TMEM116: variants seen among roughly 807,000 people sequenced by gnomAD.
TMEM116 encodes the protein transmembrane protein 116.
In TMEM116, 38 loss-of-function variants were observed where a neutral mutation model predicts 44.3. That is an observed-to-expected ratio of 0.86 (90% confidence interval 0.66 to 1.12). TMEM116 has a LOEUF of 1.12. Ranked by LOEUF, TMEM116 falls within the 50% of genes most tolerant of loss-of-function variation. The probability of loss-of-function intolerance (pLI) is 0.00; values close to 1 mark genes in which losing one functional copy is unlikely to be tolerated. For missense variants in TMEM116, 354 were observed against 401.7 expected (o/e 0.88, Z 1.01); for synonymous variants, 132 against 144.8 (o/e 0.91, Z 0.64).
intron 3 of TMEM116, chr12:111,993,976 G>A (rs1226190669): frequency 6.7e-6 from 4 of 595,258 alleles, no homozygotes; most frequent in Middle Eastern, 2.8e-4. Context: ...GTTTATCTAT[G>A]ATTCTGTGAA....
chr12:111,941,136 G>C (rs2072779990), intron 5 of TMEM116, among the ~76,000 whole-genome samples: 1 of 152,138 alleles, frequency 6.6e-6, no homozygotes, highest in Admixed American at 6.5e-5. Flanking sequence ...CCAGCACTTT[G>C]GGGGGCTGAG....
chr12:111,950,116 A>AAAAACAAAAC (rs372065144), intron 4 of TMEM116, among the ~76,000 whole-genome samples: 3 of 151,478 alleles, frequency 2.0e-5, no homozygotes, highest in East Asian at 1.9e-4. Context: ...ACTCCCTCTC[A>AAAAACAAAAC]AAAACAAAAC....
chr12:111,936,217 A>G (rs117729661), intron 8 of TMEM116: 482 of 152,662 alleles, frequency 3.2e-3, no homozygotes, highest in Non-Finnish European at 5.4e-3. Flanking sequence ...GATGATATCA[A>G]ATGAGTATCT....
chr12:111,945,352 A>G (rs1219565279), intron 4 of TMEM116, among the ~76,000 whole-genome samples: 2 of 150,044 alleles, frequency 1.3e-5, no homozygotes, highest in South Asian at 2.1e-4. Flanking sequence ...TCAAAAAAAA[A>G]AAAAAAAAAA....
chr12:111,977,360 C>A (rs529571173), intron 4 of TMEM116, among the ~76,000 whole-genome samples: 1 of 152,230 alleles, frequency 6.6e-6, no homozygotes, highest in South Asian at 2.1e-4. Context: ...AATTCTGTTT[C>A]CAGTATCCAG....
rs534027750 is a variant in TMEM116, at chr12:111,952,322, T to C, written c.211-8953A>G. Among the ~76,000 whole-genome samples the C allele has an allele frequency of 2.4e-4, 36 of 152,264 alleles. No individual in the cohort carries two copies. The South Asian group carries it at 5.8e-3, about 25-fold the overall frequency. Reference sequence around the variant, plus strand: ...AACCCAGTCATAAAATGCTAAGTAATAAGATTGCTATCTACTAGCTGAACA... The same window carrying C: ...AACCCAGTCATAAAATGCTAAGTAACAAGATTGCTATCTACTAGCTGAACA... On this transcript the variant is annotated intron_variant, in intron 4 of 10. Coordinates refer to ENST00000552374, the MANE Select transcript of TMEM116 (RefSeq NM_001193531.2).
At chr12:111,996,816 T>C (rs1395393190) in intron 3 of TMEM116, among the ~76,000 whole-genome samples, 1 of 152,214 alleles carries the variant, frequency 6.6e-6, no homozygotes, top group Non-Finnish European at 1.5e-5. Flanking sequence ...TTTTAGTATA[T>C]TCATACTACA....
At chr12:111,978,847 G>T in intron 4 of TMEM116, 1 of 399,812 alleles carries the variant, frequency 2.5e-6, no homozygotes, top group South Asian at 1.8e-5. Context: ...TGTTATAGCT[G>T]CCTGAACTAA....
intron 4 of TMEM116, among the ~76,000 whole-genome samples, chr12:111,969,678 C>T (rs898136740): frequency 4.6e-5 from 7 of 151,832 alleles, no homozygotes; most frequent in East Asian, 2.0e-4. Flanking sequence ...CCCGGGTTCA[C>T]GCCATTCTCC....
At chr12:111,993,594 G>A (rs1283985370) in intron 3 of TMEM116, 17 of 541,802 alleles carry the variant, frequency 3.1e-5, no homozygotes, top group South Asian at 2.4e-4. Flanking sequence ...CAGCTCCCAA[G>A]ATGTATAAGG....
rs764136622 is a variant in TMEM116 at position 111,932,676 on chromosome 12, T to G, written c.734-17A>C. The G allele has an allele frequency of 8.7e-6, 14 of 1,609,894 alleles. No homozygotes were observed. The highest frequency in any genetic ancestry group is 1.2e-5 in the Non-Finnish European group (14 of 1,176,266). ...GAATGACAGCTGTGAATACACAAAG[T>G]GTAAACCTTCTTGTCAGCCCTGACT... On this transcript the variant is annotated splice_polypyrimidine_tract_variant and intron_variant, in intron 9 of 10. Coordinates refer to ENST00000552374, the MANE Select transcript of TMEM116 (RefSeq NM_001193531.2).
At chr12:111,947,127 TA>T (rs2073349211) in intron 4 of TMEM116, among the ~76,000 whole-genome samples, 1 of 151,856 alleles carries the variant, frequency 6.6e-6, no homozygotes, top group African/African-American at 2.4e-5. Context: ...ATTAAAGTGT[TA>T]AAAAATTTAT....
intron 4 of TMEM116, among the ~76,000 whole-genome samples, chr12:111,969,089 G>A (rs961985865): frequency 1.3e-5 from 2 of 151,556 alleles, no homozygotes; most frequent in African/African-American, 4.8e-5. Context: ...GGGAGGCCAC[G>A]GCGGGTGGAT....
intron 5 of TMEM116, among the ~76,000 whole-genome samples, chr12:111,942,822 G>A (rs892773955): frequency 5.3e-5 from 8 of 152,136 alleles, no homozygotes; most frequent in Admixed American, 5.2e-4. Flanking sequence ...GTGAGAGAGA[G>A]AAGGGAGAAG....
intron 1 of TMEM116, chr12:112,006,033 C>T: frequency 1.0e-6 from 1 of 975,816 alleles, no homozygotes; most frequent in South Asian, 4.7e-5. Flanking sequence ...AGCAGCCGAT[C>T]CTTCCTAGTC....
At position 111,991,873 on chromosome 12, in the gene TMEM116, TA is replaced by T; in HGVS notation, c.94del (p.Tyr32IlefsTer2). The T allele has an allele frequency of 6.5e-7, 1 of 1,535,524 alleles. No individual in the cohort carries two copies. The highest frequency in any genetic ancestry group is 8.7e-7 in the Non-Finnish European group (1 of 1,146,356). On this transcript the variant is annotated frameshift_variant, in exon 4 of 11. Transcript: ENST00000552374. LOFTEE classifies it high-confidence loss of function. ...CAGGAGCAGGTCACAGAAGCTCAGA[TA>T]AAAAAGTGGTCTTATCTGTCAAAGT... ...QKSPEIRPLF[Y>X]LSFCDLLLGL... is the part of the protein sequence containing the mutation.
chr12:111,931,501 C>G lies in TMEM116; in HGVS notation c.*120G>C. On this transcript the variant is annotated 3_prime_UTR_variant, in exon 11 of 11. Coordinates refer to ENST00000552374, the MANE Select transcript of TMEM116 (RefSeq NM_001193531.2). ...GACTACTAACAATGGCACTATATTTCCTTTGAGTTCTGCAGTTTAGGGCAT... is the reference window on the plus strand; with the variant it reads ...GACTACTAACAATGGCACTATATTTGCTTTGAGTTCTGCAGTTTAGGGCAT... The G allele has an allele frequency of 1.1e-6, 1 of 908,240 alleles. No individual in the cohort carries two copies. Among genetic ancestry groups the G allele is most frequent in the Non-Finnish European group, 1.7e-6 (1 of 589,356 alleles). The allele number at this position is 908,240 out of a possible 1,614,324, so 56.3% of individuals were successfully genotyped here. A position where few individuals can be genotyped will look rare whatever the true frequency, so the allele number is the denominator to read the frequency against.
At chr12:111,982,142 ATAT>A (rs768675777) in intron 4 of TMEM116, among the ~76,000 whole-genome samples, 6 of 152,100 alleles carry the variant, frequency 3.9e-5, no homozygotes, top group Non-Finnish European at 5.9e-5. Flanking sequence ...ACAGTTAATA[ATAT>A]TATATACTTG....
chr12:112,005,209 C>T lies in TMEM116; in HGVS notation c.14+48G>A, dbSNP rs144417173. 1.9e-4 allele frequency: 245 copies of T among 1,293,406 alleles called. No homozygotes were observed. The African/African-American group carries it at 3.5e-3, about 18-fold the overall frequency. The allele number at this position is 1,293,406 out of a possible 1,614,324, so 80.1% of individuals were successfully genotyped here. ...GAAATGTGGAAAACTACAGAATTGA[C>T]GAACTTTGCTTATACTAGTTTAGTT... On this transcript the variant is annotated intron_variant, in intron 2 of 10. Coordinates refer to ENST00000552374, the MANE Select transcript of TMEM116 (RefSeq NM_001193531.2).
Sources: gnomAD v4.1 joint callset for allele counts (sites outside exome capture counted in the v4.1 genomes callset) on GRCh38, gnomAD v4.1.1 for gene constraint, MANE v1.5 for transcripts, NCBI Gene and HGNC (gene_info 2026-07-23, HGNC 2026-07-21) for gene names.